TPM4: variants seen among roughly 807,000 people sequenced by gnomAD.
The protein encoded by TPM4 is tropomyosin 4.
TPM4 carries 17 observed loss-of-function variants against 35.8 expected under a neutral mutation model. That is an observed-to-expected ratio of 0.47 (90% confidence interval 0.32 to 0.71). The LOEUF is 0.71. Among genes scored for constraint, TPM4 ranks in the 30% least tolerant of loss-of-function variants. The pLI is 0.03. For synonymous variants in TPM4, 120 were observed against 122.9 expected (o/e 0.98, Z 0.15); for missense variants, 240 against 320.9 (o/e 0.75, Z 1.93).
upstream of TPM4, chr19:16,076,003 A>AGCCCCC (rs2090399332): frequency 7.7e-7 from 1 of 1,298,686 alleles, no homozygotes; most frequent in African/African-American, 1.6e-5. Context: ...CGGGGACGTG[A>AGCCCCC]CCCCCCCCCC....
At chr19:16,076,235 G>T (rs2090403485), upstream of TPM4, 5 of 1,546,822 alleles carry the variant, frequency 3.2e-6, no homozygotes, top group Non-Finnish European at 4.4e-6. Context: ...GGCCGGGAAG[G>T]CGGGGAGAGC....
upstream of TPM4, among the ~76,000 whole-genome samples, chr19:16,073,027 T>A (rs933897770): frequency 8.6e-5 from 13 of 151,822 alleles, no homozygotes; most frequent in Admixed American, 3.3e-4. Flanking sequence ...AAAAAAGTAG[T>A]CAAAACCCCA....
At chr19:16,083,334 C>T (rs1252956523) in intron 2 of TPM4, among the ~76,000 whole-genome samples, 1 of 152,108 alleles carries the variant, frequency 6.6e-6, no homozygotes, top group Non-Finnish European at 1.5e-5. Context: ...ATCCCACCTA[C>T]TCAGGAGGCT....
intron 7 of TPM4, among the ~76,000 whole-genome samples, chr19:16,099,441 G>A (rs905589995): frequency 6.6e-6 from 1 of 151,940 alleles, no homozygotes; most frequent in Non-Finnish European, 1.5e-5. Context: ...AGAATTGGCT[G>A]GGTGTAGTGG....
intron 7 of TPM4, among the ~76,000 whole-genome samples, chr19:16,099,070 C>CTGTGTGTG (rs3222768): frequency 5.3e-4 from 58 of 109,798 alleles, no homozygotes; most frequent in African/African-American, 2.0e-3. Flanking sequence ...TCACTTGACT[C>CTGTGTGTG]TGTGTGTGTG....
upstream of TPM4, among the ~76,000 whole-genome samples, chr19:16,071,927 A>G (rs2090359996): frequency 1.3e-5 from 2 of 152,166 alleles, no homozygotes; most frequent in African/African-American, 4.8e-5. Context: ...ATCCTATGAC[A>G]GATAGGGAAA....
chr19:16,072,291 A>G (rs2090363185), upstream of TPM4, among the ~76,000 whole-genome samples: 2 of 152,250 alleles, frequency 1.3e-5, no homozygotes, highest in Non-Finnish European at 2.9e-5. Context: ...GAATACCTCC[A>G]GCTCAGAGGT....
chr19:16,092,069 G>C (rs1599380188), intron 5 of TPM4, among the ~76,000 whole-genome samples: 1 of 151,982 alleles, frequency 6.6e-6, no homozygotes, highest in Admixed American at 6.6e-5. Flanking sequence ...TACTTGGGAG[G>C]CTGAGTCAGG....
Position 16,068,800 on chromosome 19 carries a change from T to C in TPM4, c.114+1062T>C, listed in dbSNP as rs543565161. On this transcript the variant is annotated intron_variant, in intron 2 of 2. Transcript: ENST00000589897. ...GTGTGTGTTTGAGCCTTTCTGTGTG[T>C]GCACATGTGTTGTATGTGTCTGTTT... Among the ~76,000 whole-genome samples the C allele has an allele frequency of 2.6e-5, 4 of 151,788 alleles. No individual in the cohort carries two copies. In the South Asian group the frequency reaches 8.3e-4, roughly 31 times the overall value.
At chr19:16,077,563 C>T (rs1310379643) in intron 1 of TPM4, among the ~76,000 whole-genome samples, 1 of 152,204 alleles carries the variant, frequency 6.6e-6, no homozygotes, top group Non-Finnish European at 1.5e-5. Flanking sequence ...CCGCCAGGGT[C>T]TGGGGACAGA....
At chr19:16,082,111 A>C in intron 2 of TPM4, 65 bp downstream of exon 2, 1 of 1,542,954 alleles carries the variant, frequency 6.5e-7, no homozygotes, top group Non-Finnish European at 8.8e-7. Flanking sequence ...CATGCTGCCG[A>C]CCTCGCAGAG....
intron 7 of TPM4, chr19:16,095,452 CCTT>C (rs1459031280): frequency 4.9e-6 from 5 of 1,026,158 alleles, no homozygotes; most frequent in Middle Eastern, 4.6e-4. Flanking sequence ...AACGTCAGAG[CCTT>C]CTTCTGATGT....
rs1182114246 is a variant in TPM4, at chr19:16,088,112, A to G, written c.455+15A>G. On this transcript the variant is annotated intron_variant, in intron 4 of 7. Transcript: ENST00000643579. Reference sequence around the variant, plus strand: ...GTGTCTGAACTGTGAGTGGCAGAACAGGACTGAGCGAGGCTGGCTCGATTC... The same window carrying G: ...GTGTCTGAACTGTGAGTGGCAGAACGGGACTGAGCGAGGCTGGCTCGATTC... 1.2e-6 allele frequency: 2 copies of G among 1,607,772 alleles called. No individual in the cohort carries two copies. The highest frequency in any genetic ancestry group is 2.2e-5 in the East Asian group (1 of 44,698).
chr19:16,070,586 T>C lies in TPM4; in HGVS notation c.114+2848T>C, dbSNP rs761258708. On this transcript the variant is annotated intron_variant, in intron 2 of 2. Transcript: ENST00000589897. This position sits in a 1 kb window ranked among gnomAD's most constrained non-coding sequence, Gnocchi z 7.4. ...TCGCTAGGTGTCCCGGACGCCTGCATGAGTGAGATACGGAAGTGACAGTAG... is the reference window on the plus strand; with the variant it reads ...TCGCTAGGTGTCCCGGACGCCTGCACGAGTGAGATACGGAAGTGACAGTAG... Among the ~76,000 whole-genome samples the C allele has an allele frequency of 1.3e-5, 2 of 152,132 alleles. No homozygotes were observed. The highest frequency in any genetic ancestry group is 2.9e-5 in the Non-Finnish European group (2 of 68,002).
At chr19:16,090,698 T>C (rs2090616425) in intron 5 of TPM4, among the ~76,000 whole-genome samples, 1 of 152,160 alleles carries the variant, frequency 6.6e-6, no homozygotes, top group South Asian at 2.1e-4. Context: ...TTATAGTTAC[T>C]CCATTAATTG....
chr19:16,093,306 C>T (rs1184721257), intron 5 of TPM4, among the ~76,000 whole-genome samples: 1 of 152,010 alleles, frequency 6.6e-6, no homozygotes, highest in Non-Finnish European at 1.5e-5. Flanking sequence ...AGTGAGTCTT[C>T]TGCCTCATCC....
chr19:16,083,846 C>A (rs1273743986), intron 2 of TPM4, among the ~76,000 whole-genome samples: 1 of 151,002 alleles, frequency 6.6e-6, no homozygotes, highest in Non-Finnish European at 1.5e-5. Flanking sequence ...GCAGCCTCGA[C>A]CTCCTGGGCT....
At chr19:16,099,797 CT>C (rs1188566054) in intron 7 of TPM4, 2 of 152,052 alleles carry the variant, frequency 1.3e-5, no homozygotes, top group Non-Finnish European at 2.9e-5. Flanking sequence ...TCTTTTTTCT[CT>C]CTCTCTTTCT....
chr19:16,090,901 G>A (rs1465085470), intron 5 of TPM4, among the ~76,000 whole-genome samples: 3 of 147,634 alleles, frequency 2.0e-5, no homozygotes, highest in Non-Finnish European at 3.0e-5. Flanking sequence ...TCCTGGCCTC[G>A]AGTGATCCAC....
Sources: allele counts gnomAD v4.1 joint callset (sites outside exome capture counted in the v4.1 genomes callset), GRCh38; gene constraint gnomAD v4.1.1; non-coding constraint Gnocchi (gnomAD v3.1); transcripts MANE v1.5; gene names NCBI Gene and HGNC (gene_info 2026-07-23, HGNC 2026-07-21).